Variants in PARD3B observed in about 807,000 individuals in gnomAD.
PARD3B encodes par-3 family cell polarity regulator beta.
PARD3B carries 103 observed loss-of-function variants against 130.2 expected under a neutral mutation model. That is an observed-to-expected ratio of 0.79 (90% CI 0.67 to 0.93). The LOEUF (loss-of-function observed/expected upper bound fraction) is 0.93. Among genes scored for constraint, PARD3B ranks in the 40% least tolerant of loss-of-function variants. PARD3B has a pLI of 0.00. For synonymous variants in PARD3B, 583 were observed against 553.2 expected (o/e 1.05, Z -0.76); for missense variants, 1,609 against 1,499.2 (o/e 1.07, Z -1.21).
chr2:204,739,885 T>C (rs1458249616), intron 2 of PARD3B, among the ~76,000 whole-genome samples: 1 of 152,140 alleles, frequency 6.6e-6, no homozygotes, highest in Non-Finnish European at 1.5e-5. Flanking sequence ...TTCTCAGCTT[T>C]ATTTTGTAAT....
chr2:205,181,045 A>G (rs1378468640), intron 13 of PARD3B, among the ~76,000 whole-genome samples: 1 of 152,046 alleles, frequency 6.6e-6, no homozygotes, highest in African/African-American at 2.4e-5. Flanking sequence ...TGTCTCCCCT[A>G]TATAGCTCTT....
At chr2:205,508,114 C>T (rs905307924) in intron 21 of PARD3B, among the ~76,000 whole-genome samples, 2 of 152,142 alleles carry the variant, frequency 1.3e-5, no homozygotes, top group African/African-American at 4.8e-5. Flanking sequence ...AACAATTCAC[C>T]CCAGGAGAAG....
intron 2 of PARD3B, among the ~76,000 whole-genome samples, chr2:204,837,249 C>T (rs369285263): frequency 1.3e-5 from 2 of 151,970 alleles, no homozygotes; most frequent in African/African-American, 2.4e-5. Context: ...TTAGACAGTA[C>T]GTAGTTCAAA....
At chr2:204,732,195 G>A (rs934393147) in intron 2 of PARD3B, among the ~76,000 whole-genome samples, 4 of 151,876 alleles carry the variant, frequency 2.6e-5, no homozygotes, top group African/African-American at 9.7e-5. Flanking sequence ...GTCACCACAA[G>A]CAGTTGTACA....
At chr2:205,427,600 CT>C (rs962015775) in intron 19 of PARD3B, among the ~76,000 whole-genome samples, 15 of 152,006 alleles carry the variant, frequency 9.9e-5, no homozygotes, top group Non-Finnish European at 1.9e-4. Context: ...AACATGCTTG[CT>C]TTTTTTAAAG....
intron 20 of PARD3B, among the ~76,000 whole-genome samples, chr2:205,489,435 C>G (rs1037994912): frequency 1.3e-5 from 2 of 151,144 alleles, no homozygotes; most frequent in Non-Finnish European, 2.9e-5. Flanking sequence ...TATTATCACA[C>G]CATGTACTCC....
chr2:204,998,352 A>G (rs1177763597), intron 3 of PARD3B, among the ~76,000 whole-genome samples: 22 of 74,880 alleles, frequency 2.9e-4, no homozygotes, highest in African/African-American at 1.3e-3. Context: ...ATATATATAT[A>G]TATATATGTG....
At chr2:205,503,681 TTAAAG>T (rs1348615499) in intron 21 of PARD3B, among the ~76,000 whole-genome samples, 2 of 152,178 alleles carry the variant, frequency 1.3e-5, no homozygotes, top group South Asian at 2.1e-4. Flanking sequence ...CATATGAACT[TTAAAG>T]TAGTTTTTTT....
chr2:204,555,657 A>G (rs2125048554), intron 1 of PARD3B, among the ~76,000 whole-genome samples: 1 of 152,188 alleles, frequency 6.6e-6, no homozygotes, highest in Admixed American at 6.5e-5. Context: ...CCAGCACCCT[A>G]TATTTGACCT....
rs1291317291 is a variant in PARD3B, at chr2:205,128,312, C to T, written c.1434+2575C>T. ...TCCTTATACCTTTCTCCCATATGTC[C>T]TCTGGAATTTTTAACCCCACAGTTA... On this transcript the variant is annotated intron_variant, in intron 10 of 22. Coordinates refer to ENST00000406610, the MANE Select transcript of PARD3B (RefSeq NM_001302769.2). The surrounding 1 kb of genome is among the most constrained non-coding windows in gnomAD (Gnocchi z 4.5). Among the ~76,000 whole-genome samples the T allele has an allele frequency of 2.0e-5, 3 of 152,210 alleles. No individual in the cohort carries two copies. Among genetic ancestry groups the T allele is most frequent in the African/African-American group, 7.2e-5 (3 of 41,440 alleles).
rs1006800332 is a variant in PARD3B, at chr2:204,952,325, A to G, written c.223-12827A>G. Among the ~76,000 whole-genome samples, 50 of 152,314 alleles carry G rather than the reference A, an allele frequency of 3.3e-4. 1 individual carries two copies. The highest frequency in any genetic ancestry group is 1.1e-3 in the African/African-American group (47 of 41,576). ...TGATTTAAAAACCAAAGGCCCATCAATCAAAACACTTCCCACCTGCTCTCT... is the reference window on the plus strand; with the variant it reads ...TGATTTAAAAACCAAAGGCCCATCAGTCAAAACACTTCCCACCTGCTCTCT... On this transcript the variant is annotated intron_variant, in intron 2 of 22. Coordinates refer to ENST00000406610, the MANE Select transcript of PARD3B (RefSeq NM_001302769.2).
At chr2:204,801,966 T>C (rs1042765809) in intron 2 of PARD3B, among the ~76,000 whole-genome samples, 5 of 152,210 alleles carry the variant, frequency 3.3e-5, no homozygotes, top group Non-Finnish European at 7.4e-5. Context: ...GAGATAATCA[T>C]GTGGTTTTGT....
chr2:204,744,502 G>A lies in PARD3B; in HGVS notation c.222+58220G>A, dbSNP rs1445920684. On this transcript the variant is annotated intron_variant, in intron 2 of 22. Transcript: ENST00000406610. ...CAGACAAATGTTTTTAATCTGTGTG[G>A]AATGAGAAACTGGGGAGGATGCAGC... 2.0e-5 allele frequency among the ~76,000 whole-genome samples: 3 copies of A among 152,264 alleles called. No homozygotes were observed. In the East Asian group the frequency reaches 5.8e-4, roughly 29 times the overall value.
chr2:204,749,334 A>T (rs1295197400), intron 2 of PARD3B, among the ~76,000 whole-genome samples: 1 of 152,120 alleles, frequency 6.6e-6, no homozygotes, highest in Non-Finnish European at 1.5e-5. Context: ...TTAGGATAAT[A>T]ATTTTGGTGT....
intron 2 of PARD3B, among the ~76,000 whole-genome samples, chr2:204,851,739 G>A (rs1324400005): frequency 1.3e-5 from 2 of 151,706 alleles, no homozygotes; most frequent in Non-Finnish European, 2.9e-5. Flanking sequence ...TGTAGCATTT[G>A]ACAATCCTTT....
At chr2:205,603,296 C>T (rs531306992) in intron 22 of PARD3B, among the ~76,000 whole-genome samples, 1 of 152,212 alleles carries the variant, frequency 6.6e-6, no homozygotes, top group African/African-American at 2.4e-5. Context: ...AGAGTAAGTG[C>T]CATGTGTCAC....
At position 205,292,978 on chromosome 2, in the gene PARD3B, AATTGTT is replaced by A. The variant is rs2041663160; in HGVS notation, c.2186-7548_2186-7543del. Among the ~76,000 whole-genome samples the A allele has an allele frequency of 6.6e-6, 1 of 152,200 alleles. No individual in the cohort carries two copies. The highest frequency in any genetic ancestry group is 1.5e-5 in the Non-Finnish European group (1 of 68,034). Reference sequence around the variant, plus strand: ...CTTGCTTAAAGTGTATTTATAAAGAAATTGTTATTCATATGAACATGAAACTGAAAA... The same window carrying A: ...CTTGCTTAAAGTGTATTTATAAAGAAATTCATATGAACATGAAACTGAAAA... On this transcript the variant is annotated intron_variant, in intron 16 of 22. Coordinates refer to ENST00000406610, the MANE Select transcript of PARD3B (RefSeq NM_001302769.2). The surrounding 1 kb of genome is among the most constrained non-coding windows in gnomAD (Gnocchi z 5.3).
At chr2:205,185,329 A>AT (rs778722648) in intron 13 of PARD3B, among the ~76,000 whole-genome samples, 10 of 152,062 alleles carry the variant, frequency 6.6e-5, no homozygotes, top group Non-Finnish European at 1.0e-4. Flanking sequence ...CTATATCGTG[A>AT]TTTTTTAAAA....
In PARD3B at chr2:205,609,944, G is replaced by A. The variant is rs190207299; in HGVS notation, c.3261-5512G>A. ...ATGTAGAGGAAGTGTGCTCAGTTCT[G>A]TATTGCAAGAATCTGTCACTGATAT... On this transcript the variant is annotated intron_variant, in intron 22 of 22. Transcript: ENST00000406610. 5.9e-5 allele frequency among the ~76,000 whole-genome samples: 9 copies of A among 152,284 alleles called. No individual in the cohort carries two copies. In the East Asian group the frequency reaches 1.5e-3, roughly 26 times the overall value.
Sources: allele counts gnomAD v4.1 joint callset (sites outside exome capture counted in the v4.1 genomes callset), GRCh38; gene constraint gnomAD v4.1.1; non-coding constraint Gnocchi (gnomAD v3.1); transcripts MANE v1.5; gene names NCBI Gene and HGNC (gene_info 2026-07-23, HGNC 2026-07-21).